The following KCNIP4 variants were observed in gnomAD, a reference collection of about 807,000 sequenced individuals.
KCNIP4 encodes potassium voltage-gated channel interacting protein 4.
In KCNIP4, 12 loss-of-function variants were observed where a neutral mutation model predicts 34.0. That is an observed-to-expected ratio of 0.35 (90% CI 0.23 to 0.57). The LOEUF is 0.57. Among genes scored for constraint, KCNIP4 ranks in the 20% least tolerant of loss-of-function variants. KCNIP4 has a pLI of 0.83. For synonymous variants in KCNIP4, 124 were observed against 102.2 expected (o/e 1.21, Z -1.29); for missense variants, 238 against 311.7 (o/e 0.76, Z 1.78).
intron 1 of KCNIP4, among the ~76,000 whole-genome samples, chr4:21,618,630 C>CTTTTTTTTTTTTTTTTTTTTTTTTT (rs58967707): frequency 1.2e-5 from 1 of 81,788 alleles, no homozygotes; most frequent in Non-Finnish European, 2.2e-5. Flanking sequence ...TTTTCTTTTT[C>CTTTTTTTTTTTTTTTTTTTTTTTTT]TTTTTTTTTT....
chr4:21,860,017 G>C (rs1055410234), intron 1 of KCNIP4, among the ~76,000 whole-genome samples: 10 of 152,154 alleles, frequency 6.6e-5, no homozygotes, highest in Admixed American at 2.0e-4. Context: ...CTCCAGGCTG[G>C]ACAACTGAGA....
chr4:21,591,443 A>C (rs144359388), intron 1 of KCNIP4, among the ~76,000 whole-genome samples: 42 of 152,194 alleles, frequency 2.8e-4, no homozygotes, highest in Non-Finnish European at 4.9e-4. Context: ...TGTCTTTGAG[A>C]TATTTTGTAA....
intron 1 of KCNIP4, among the ~76,000 whole-genome samples, chr4:21,806,340 T>C (rs1427577921): frequency 6.6e-6 from 1 of 152,226 alleles, no homozygotes; most frequent in East Asian, 1.9e-4. Context: ...CTTTCCATCT[T>C]GCCGTTTACA....
intron 1 of KCNIP4, among the ~76,000 whole-genome samples, chr4:21,930,107 G>T (rs13109656): frequency 0.26 from 38,925 of 151,996 alleles, 5,903 homozygotes; most frequent in East Asian, 0.62. Context: ...ACCTTCAACT[G>T]TGAGCTGGCT....
chr4:21,255,366 T>G (rs1056904281), intron 1 of KCNIP4, among the ~76,000 whole-genome samples: 1 of 152,162 alleles, frequency 6.6e-6, no homozygotes, highest in Non-Finnish European at 1.5e-5. Context: ...ATACCTATCC[T>G]TTGTATTTTT....
intron 1 of KCNIP4, among the ~76,000 whole-genome samples, chr4:20,939,619 G>A (rs571627272): frequency 1.3e-4 from 20 of 151,946 alleles, no homozygotes; most frequent in African/African-American, 1.2e-4. Context: ...TGATCCGCCC[G>A]CCTCAGCCTC....
intron 1 of KCNIP4, among the ~76,000 whole-genome samples, chr4:21,210,370 A>C (rs2108975734): frequency 6.6e-6 from 1 of 152,322 alleles, no homozygotes; most frequent in Non-Finnish European, 1.5e-5. Context: ...TCATCAAATT[A>C]GCCTAGAGAA....
chr4:21,372,417 CAGATAT>C (rs1215748672), intron 1 of KCNIP4, among the ~76,000 whole-genome samples: 3 of 142,126 alleles, frequency 2.1e-5, no homozygotes, highest in Non-Finnish European at 4.5e-5. Flanking sequence ...CAGACAGATA[CAGATAT>C]AGATATAGAT....
At chr4:20,920,605 A>C (rs1729300078) in intron 1 of KCNIP4, among the ~76,000 whole-genome samples, 1 of 152,184 alleles carries the variant, frequency 6.6e-6, no homozygotes, top group Non-Finnish European at 1.5e-5. Flanking sequence ...TCATGTTTTT[A>C]TGAGACATGC....
At chr4:21,234,261 C>CATATATAACATATATT (rs1249743409) in intron 1 of KCNIP4, among the ~76,000 whole-genome samples, 9 of 110,680 alleles carry the variant, frequency 8.1e-5, no homozygotes, top group East Asian at 2.5e-4. Flanking sequence ...TTATATATAA[C>CATATATAACATATATT]ATATATAACA....
At chr4:20,928,778 A>G (rs1185782384) in intron 1 of KCNIP4, among the ~76,000 whole-genome samples, 1 of 152,000 alleles carries the variant, frequency 6.6e-6, no homozygotes, top group Non-Finnish European at 1.5e-5. Context: ...ATTGCAATGG[A>G]AACTTCAGAA....
At chr4:21,247,649 ATATC>A (rs1760328666) in intron 1 of KCNIP4, among the ~76,000 whole-genome samples, 4 of 140,356 alleles carry the variant, frequency 2.8e-5, no homozygotes, top group African/African-American at 1.1e-4. Context: ...CTATATATTT[ATATC>A]TATATATTTA....
At chr4:20,914,911 C>T (rs367696720) in intron 1 of KCNIP4, among the ~76,000 whole-genome samples, 2 of 152,192 alleles carry the variant, frequency 1.3e-5, no homozygotes, top group South Asian at 2.1e-4. Context: ...TGCCTTTGCA[C>T]TAGGGTCTTT....
chr4:21,033,553 T>C (rs1035310428), intron 1 of KCNIP4, among the ~76,000 whole-genome samples: 2 of 152,142 alleles, frequency 1.3e-5, no homozygotes, highest in Admixed American at 1.3e-4. Context: ...GCTGATTCTC[T>C]TAAAGAAGGA....
chr4:21,259,197 TA>T (rs1324310394), intron 1 of KCNIP4, among the ~76,000 whole-genome samples: 1 of 152,150 alleles, frequency 6.6e-6, no homozygotes, highest in Non-Finnish European at 1.5e-5. Flanking sequence ...CTCCAAAATT[TA>T]TGGTATGAAC....
chr4:21,809,643 A>G (rs918902887), intron 1 of KCNIP4, among the ~76,000 whole-genome samples: 2 of 152,190 alleles, frequency 1.3e-5, no homozygotes, highest in African/African-American at 4.8e-5. Flanking sequence ...CAAGAAACTA[A>G]TGGTATTATT....
At chr4:21,065,748 ATATATATATATATATAT>A in intron 1 of KCNIP4, among the ~76,000 whole-genome samples, 1 of 143,392 alleles carries the variant, frequency 7.0e-6, no homozygotes, top group East Asian at 2.0e-4. Flanking sequence ...ATATATATAT[ATATATATATATATATAT>A]AACTCAATTT....
intron 1 of KCNIP4, among the ~76,000 whole-genome samples, chr4:20,994,570 ACT>A (rs1737372680): frequency 6.6e-6 from 1 of 152,142 alleles, no homozygotes; most frequent in Non-Finnish European, 1.5e-5. Flanking sequence ...ACCGAGGGAC[ACT>A]CTCCTTTCAT....
intron 1 of KCNIP4, among the ~76,000 whole-genome samples, chr4:20,952,948 A>C (rs1577424766): frequency 6.6e-6 from 1 of 152,210 alleles, no homozygotes; most frequent in Admixed American, 6.5e-5. Flanking sequence ...GGAGTGGCTG[A>C]ATAAACTCCC....
Sources: allele counts gnomAD v4.1 joint callset (sites outside exome capture counted in the v4.1 genomes callset), GRCh38; gene constraint gnomAD v4.1.1; transcripts MANE v1.5; gene names NCBI Gene and HGNC (gene_info 2026-07-23, HGNC 2026-07-21).